Variants in IL1RAPL2 observed in about 807,000 individuals in gnomAD.
IL1RAPL2 encodes interleukin 1 receptor accessory protein like 2.
Under a neutral mutation model 44.1 loss-of-function variants are expected in IL1RAPL2, and 3 were observed. The ratio of observed to expected loss-of-function variants is 0.07; its 90% CI spans 0.03 to 0.18. The LOEUF (loss-of-function observed/expected upper bound fraction) is 0.18, where lower values mean the gene tolerates loss of function less well. IL1RAPL2 is among the 10% of genes least tolerant of loss of function. The probability of loss-of-function intolerance (pLI) is 1.00; values close to 1 mark genes in which losing one functional copy is unlikely to be tolerated. For synonymous variants in IL1RAPL2, 181 were observed against 178.8 expected (o/e 1.01, Z -0.10); for missense variants, 391 against 496.4 (o/e 0.79, Z 2.02).
intron 1 of IL1RAPL2, chrX:104,647,493 A>T: frequency 1.8e-6 from 1 of 554,963 alleles, no homozygotes; most frequent in Non-Finnish European, 3.2e-6. Context: ...GGATGTGTCA[A>T]GGACACATCG....
At chrX:104,948,957 C>G (rs1481330760) in intron 2 of IL1RAPL2, among the ~76,000 whole-genome samples, 1 of 109,551 alleles carries the variant, frequency 9.1e-6, no homozygotes, top group African/African-American at 3.3e-5. Context: ...AGGATTCCCT[C>G]TTTTTCTATT....
At position 105,748,986 on chromosome X, in the gene IL1RAPL2, G is replaced by T. The variant is rs1187949897; in HGVS notation, c.1075G>T (p.Gly359Trp). The change falls in exon 9 of 11, where the codon GGG (glycine) becomes TGG (tryptophan). Residue 359 changes from glycine to tryptophan, a missense_variant. By Grantham distance (184) the Gly-to-Trp change is radical. Transcript: ENST00000372582. ...TTTAATCTATAAAATTGAGCTTGCA[G>T]GGGGCCTGGGAGCAATCTTCCTCCT... ...KDLIYKIELAGGLGAIFLLLV... is the reference protein window; with the variant it reads ...KDLIYKIELAWGLGAIFLLLV... 6 of 1,209,341 alleles carry T rather than the reference G, an allele frequency of 5.0e-6. No homozygotes were observed. The highest frequency in any genetic ancestry group is 6.7e-6 in the Non-Finnish European group (6 of 893,838).
intron 6 of IL1RAPL2, among the ~76,000 whole-genome samples, chrX:105,695,467 A>G (rs2038069453): frequency 9.0e-6 from 1 of 111,726 alleles, no homozygotes; most frequent in Non-Finnish European, 1.9e-5. Context: ...AATCTAGCCA[A>G]TATAGGATAA....
chrX:104,907,185 TTC>T (rs1355675793), intron 2 of IL1RAPL2, among the ~76,000 whole-genome samples: 1 of 111,839 alleles, frequency 8.9e-6, no homozygotes, highest in Admixed American at 9.5e-5. Context: ...TATTTGATTC[TTC>T]TCTCTCTTTT....
At chrX:104,617,945 T>C (rs750050129) in intron 1 of IL1RAPL2, among the ~76,000 whole-genome samples, 2 of 112,209 alleles carry the variant, frequency 1.8e-5, no homozygotes, top group Admixed American at 1.9e-4. Flanking sequence ...ATTCTTGCAC[T>C]GTTTCTGTCT....
chrX:104,580,348 G>T (rs1352739745), intron 1 of IL1RAPL2, among the ~76,000 whole-genome samples: 1 of 112,649 alleles, frequency 8.9e-6, no homozygotes, highest in Non-Finnish European at 1.9e-5. Context: ...GACATTACAA[G>T]TAAAATACAT....
intron 4 of IL1RAPL2, among the ~76,000 whole-genome samples, chrX:105,250,488 G>A (rs1180102039): frequency 9.1e-6 from 1 of 110,398 alleles, no homozygotes; most frequent in African/African-American, 3.3e-5. Context: ...TGAGAGTTTG[G>A]AGGGTATGTG....
chrX:105,228,873 C>G (rs782379425), intron 3 of IL1RAPL2, among the ~76,000 whole-genome samples: 17 of 112,155 alleles, frequency 1.5e-4, no homozygotes, highest in Non-Finnish European at 3.2e-4. Context: ...CTATGTTTTA[C>G]TCCTGTAAGG....
At chrX:105,010,373 A>T (rs2031028160) in intron 2 of IL1RAPL2, among the ~76,000 whole-genome samples, 1 of 111,229 alleles carries the variant, frequency 9.0e-6, no homozygotes, top group Non-Finnish European at 1.9e-5. Context: ...ACAGACGATA[A>T]TTTTTTTACA....
At chrX:105,313,301 C>T (rs2034812581) in intron 5 of IL1RAPL2, among the ~76,000 whole-genome samples, 1 of 111,823 alleles carries the variant, frequency 8.9e-6, no homozygotes, top group Non-Finnish European at 1.9e-5. Flanking sequence ...GAAATTTTAA[C>T]AGATAAAGTA....
intron 6 of IL1RAPL2, among the ~76,000 whole-genome samples, chrX:105,587,680 A>T (rs1443918392): frequency 2.3e-4 from 26 of 111,491 alleles, no homozygotes; most frequent in Non-Finnish European, 4.3e-4. Flanking sequence ...TGTCATTATC[A>T]CCCAATTTTT....
chrX:105,045,917 TAAAA>T (rs1345282843), intron 2 of IL1RAPL2, among the ~76,000 whole-genome samples: 1 of 111,189 alleles, frequency 9.0e-6, no homozygotes, highest in African/African-American at 3.3e-5. Flanking sequence ...AAATTAATCT[TAAAA>T]AATTATTAAA....
At chrX:104,866,101 A>G (rs1922607667) in intron 2 of IL1RAPL2, among the ~76,000 whole-genome samples, 1 of 111,939 alleles carries the variant, frequency 8.9e-6, no homozygotes, top group East Asian at 2.8e-4. Flanking sequence ...TGGATTAATT[A>G]ATTAAGAGAT....
At chrX:104,676,295 G>A (rs1304769016) in intron 2 of IL1RAPL2, among the ~76,000 whole-genome samples, 2 of 111,350 alleles carry the variant, frequency 1.8e-5, no homozygotes, top group Non-Finnish European at 1.9e-5. Flanking sequence ...GGCAGGGCTG[G>A]TGGTGACAAA....
chrX:105,064,128 T>A (rs1908946289), intron 2 of IL1RAPL2, among the ~76,000 whole-genome samples: 1 of 112,346 alleles, frequency 8.9e-6, no homozygotes, highest in Non-Finnish European at 1.9e-5. Context: ...CTTCCCTACA[T>A]GGTGATAAGT....
intron 1 of IL1RAPL2, among the ~76,000 whole-genome samples, chrX:104,615,548 G>C (rs961251376): frequency 1.8e-5 from 2 of 111,136 alleles, no homozygotes; most frequent in African/African-American, 6.6e-5. Flanking sequence ...TCCCTGCAGA[G>C]GACATGATCT....
At chrX:105,199,662 T>C in intron 3 of IL1RAPL2, among the ~76,000 whole-genome samples, 1 of 111,915 alleles carries the variant, frequency 8.9e-6, no homozygotes, top group Non-Finnish European at 1.9e-5. Flanking sequence ...ATGTCTATTT[T>C]GGATACCATA....
intron 2 of IL1RAPL2, among the ~76,000 whole-genome samples, chrX:104,761,827 CCTTCTT>C (rs1227116705): frequency 4.3e-5 from 3 of 69,967 alleles, no homozygotes; most frequent in African/African-American, 1.7e-4. Flanking sequence ...TCCTCCTTCT[CCTTCTT>C]CTCCTTCTCC....
intron 2 of IL1RAPL2, among the ~76,000 whole-genome samples, chrX:104,881,121 A>G (rs1923058371): frequency 8.9e-6 from 1 of 111,935 alleles, no homozygotes; most frequent in South Asian, 3.7e-4. Context: ...TTTTATAAAA[A>G]TGTAAGATTA....
Sources: allele counts gnomAD v4.1 joint callset (sites outside exome capture counted in the v4.1 genomes callset), GRCh38; gene constraint gnomAD v4.1.1; transcripts MANE v1.5; gene names NCBI Gene and HGNC (gene_info 2026-07-23, HGNC 2026-07-21).